ITSN1: variants seen among roughly 807,000 people sequenced by gnomAD.
ITSN1 encodes the protein intersectin 1, also known as intersectin-1.
In ITSN1, 58 loss-of-function variants were observed where a neutral mutation model predicts 239.8. The observed-to-expected ratio is 0.24, with a 90% CI of 0.20 to 0.30. The LOEUF is 0.30. Among genes scored for constraint, ITSN1 ranks in the 10% least tolerant of loss-of-function variants. The pLI is 1.00. For synonymous variants in ITSN1, 780 were observed against 770.8 expected, an observed-to-expected ratio of 1.01 and a Z score of -0.20; for missense variants, 1,558 against 2,103.3, an observed-to-expected ratio of 0.74 and a Z score of 5.07.
chr21:33,811,118 T>C lies in ITSN1; in HGVS notation c.2463T>C (p.Ser821=). 6.2e-7 allele frequency: 1 copy of C among 1,614,190 alleles called. No individual in the cohort carries two copies. Among genetic ancestry groups the C allele is most frequent in the Non-Finnish European group, 8.5e-7 (1 of 1,180,024 alleles). The change falls in exon 21 of 40, where the codon TCT becomes TCC. Residue 821 remains serine (S), a synonymous_variant. Transcript: ENST00000381318. ...TGAAACCAGTGACTGATTCAACATC[T>C]GCCCCTGCCCCCAAACTGGCCTTGC... ...APVKPVTDST[S]APAPKLALRE... is the part of the protein sequence containing the mutation.
At position 33,763,619 on chromosome 21, in the gene ITSN1, A is replaced by AT. The variant is rs71918269; in HGVS notation, c.788+1644dup. On this transcript the variant is annotated intron_variant, in intron 9 of 39. Transcript: ENST00000381318. Reference sequence around the variant, plus strand: ...GGTTGAGAATTGCGGATCAGATTTGATTTTTTTTTTTGTTTTGTTGTTTTG... The same window carrying AT: ...GGTTGAGAATTGCGGATCAGATTTGATTTTTTTTTTTTGTTTTGTTGTTTTG... 2.0e-3 allele frequency among the ~76,000 whole-genome samples: 294 copies of AT among 147,502 alleles called. 1 individual carries two copies. The highest frequency in any genetic ancestry group is 5.2e-3 in the African/African-American group (210 of 40,280).
chr21:33,748,009 T>C (rs1284277294), intron 5 of ITSN1, among the ~76,000 whole-genome samples: 1 of 151,966 alleles, frequency 6.6e-6, no homozygotes, highest in Non-Finnish European at 1.5e-5. Context: ...TAATTATAAC[T>C]CTATTATTGG....
Position 33,811,167 on chromosome 21 carries a change from G to A in ITSN1, c.2512G>A (p.Val838Ile), listed in dbSNP as rs2148189924. The A allele has an allele frequency of 1.2e-6, 2 of 1,611,696 alleles. No homozygotes were observed. Among genetic ancestry groups the A allele is most frequent in the Non-Finnish European group, 1.7e-6 (2 of 1,179,662 alleles). ...ALRETPAPLA[V>I]TSSEPSTTPN... ...GCGTGAGACCCCCGCCCCTTTGGCA[G>A]TAACCTCTTCAGAGCCCTCCACGAC... The change falls in exon 21 of 40, where the codon GTA becomes ATA. Residue 838 changes from valine to isoleucine, a missense_variant. Transcript: ENST00000381318.
At chr21:33,744,826 A>C (rs1444959690) in intron 5 of ITSN1, among the ~76,000 whole-genome samples, 2 of 152,260 alleles carry the variant, frequency 1.3e-5, no homozygotes, top group African/African-American at 4.8e-5. Flanking sequence ...TTTATGACTC[A>C]ATAATGATTT....
intron 1 of ITSN1, among the ~76,000 whole-genome samples, chr21:33,693,252 C>T (rs143178004): frequency 6.1e-4 from 93 of 152,150 alleles, no homozygotes; most frequent in Non-Finnish European, 9.9e-4. Flanking sequence ...AGATACATAG[C>T]CGCTCTTCTC....
chr21:33,692,892 C>T (rs1601670672), intron 1 of ITSN1, among the ~76,000 whole-genome samples: 1 of 151,920 alleles, frequency 6.6e-6, no homozygotes, highest in South Asian at 2.1e-4. Context: ...GCCTCAACCT[C>T]CTGAGTAGCT....
intron 1 of ITSN1, among the ~76,000 whole-genome samples, chr21:33,693,667 A>G (rs1214295673): frequency 3.3e-5 from 5 of 152,042 alleles, no homozygotes; most frequent in South Asian, 2.1e-4. Context: ...CCTTCTTGCT[A>G]TGTTTTAGCC....
At chr21:33,832,959 C>T (rs186206398) in intron 27 of ITSN1, among the ~76,000 whole-genome samples, 2 of 152,202 alleles carry the variant, frequency 1.3e-5, no homozygotes, top group African/African-American at 2.4e-5. Flanking sequence ...CTCCCTCCCA[C>T]CTTGTCCCCA....
chr21:33,807,373 C>G lies in ITSN1; in HGVS notation c.2320-3602C>G, dbSNP rs575240135. Among the ~76,000 whole-genome samples the G allele has an allele frequency of 3.9e-5, 6 of 152,294 alleles. No individual in the cohort carries two copies. The East Asian group carries it at 7.7e-4, about 20-fold the overall frequency. On this transcript the variant is annotated intron_variant, in intron 20 of 39. Transcript: ENST00000381318. ...TCCAGATGTCCACCAGTGTCTCGCT[C>G]TGTTACTCAGGCTGAGTGCAGTGGT...
At chr21:33,809,365 T>C (rs1003157707) in intron 20 of ITSN1, among the ~76,000 whole-genome samples, 7 of 152,172 alleles carry the variant, frequency 4.6e-5, no homozygotes, top group Admixed American at 2.6e-4. Context: ...CAAGCAGGCA[T>C]CCCCTACTTG....
At chr21:33,728,830 G>A (rs2065991148) in intron 4 of ITSN1, among the ~76,000 whole-genome samples, 1 of 152,184 alleles carries the variant, frequency 6.6e-6, no homozygotes, top group South Asian at 2.1e-4. Flanking sequence ...GCTAGGAACT[G>A]TGTCTTTTTC....
chr21:33,842,794 T>G (rs2074869037), intron 29 of ITSN1, among the ~76,000 whole-genome samples: 1 of 152,174 alleles, frequency 6.6e-6, no homozygotes, highest in African/African-American at 2.4e-5. Flanking sequence ...CTTCTCTTGA[T>G]GCCGTTTCTC....
intron 20 of ITSN1, among the ~76,000 whole-genome samples, chr21:33,804,433 G>C (rs1346994061): frequency 6.6e-6 from 1 of 152,076 alleles, no homozygotes; most frequent in Non-Finnish European, 1.5e-5. Context: ...AAAATCTAGA[G>C]AAACACATGA....
chr21:33,849,119 T>C (rs2075077938), intron 29 of ITSN1, among the ~76,000 whole-genome samples: 1 of 151,878 alleles, frequency 6.6e-6, no homozygotes, highest in Non-Finnish European at 1.5e-5. Context: ...CATGTGCTTG[T>C]CCCAGCTACT....
At chr21:33,751,678 T>C (rs2067564815) in intron 6 of ITSN1, 132 bp from the exon 7 acceptor site, 2 of 674,188 alleles carry the variant, frequency 3.0e-6, no homozygotes, top group East Asian at 5.5e-5. Flanking sequence ...AAAAGCTCTT[T>C]TCAGTCTAGG....
At chr21:33,734,894 C>A in intron 4 of ITSN1, 150 bp from the exon 5 acceptor site, 1 of 535,850 alleles carries the variant, frequency 1.9e-6, no homozygotes, top group Non-Finnish European at 3.1e-6. Flanking sequence ...ACAGGCTATT[C>A]CCCATAGTTT....
chr21:33,782,751 C>T (rs889960839), intron 16 of ITSN1, among the ~76,000 whole-genome samples: 2 of 152,076 alleles, frequency 1.3e-5, no homozygotes, highest in African/African-American at 2.4e-5. Flanking sequence ...CTTGGCCGGG[C>T]GTGGTGGCTC....
chr21:33,722,755 A>G (rs1004470852), intron 4 of ITSN1, 104 bp downstream of exon 4: 15 of 1,095,020 alleles, frequency 1.4e-5, no homozygotes, highest in African/African-American at 1.3e-4. Flanking sequence ...AAAGGAGAAC[A>G]TGTATCTCTA....
At chr21:33,696,449 T>C (rs903511948) in intron 1 of ITSN1, among the ~76,000 whole-genome samples, 21 of 152,244 alleles carry the variant, frequency 1.4e-4, no homozygotes, top group African/African-American at 4.6e-4. Flanking sequence ...ACTAAAGCTG[T>C]GAAGATGTCA....
Sources: gnomAD v4.1 joint callset for allele counts (sites outside exome capture counted in the v4.1 genomes callset) on GRCh38, gnomAD v4.1.1 for gene constraint, MANE v1.5 for transcripts, NCBI Gene and HGNC (gene_info 2026-07-23, HGNC 2026-07-21) for gene names.